The following HSPA12A variants were observed in gnomAD, a reference collection of about 807,000 sequenced individuals.
HSPA12A encodes the protein heat shock 70 kDa protein 12A.
Under a neutral mutation model 69.2 loss-of-function variants are expected in HSPA12A, and 28 were observed. The ratio of observed to expected loss-of-function variants is 0.40; its 90% CI spans 0.30 to 0.55. The LOEUF (loss-of-function observed/expected upper bound fraction) is 0.55, where lower values mean the gene tolerates loss of function less well. Ranked by LOEUF, HSPA12A falls within the 20% of genes least tolerant of loss-of-function variation. HSPA12A has a pLI of 0.38. For missense variants in HSPA12A, 686 were observed against 900.7 expected, an observed-to-expected ratio of 0.76 and a Z score of 3.05; for synonymous variants, 345 against 370.5, an observed-to-expected ratio of 0.93 and a Z score of 0.79.
At chr10:116,742,683 G>A (rs569467955), upstream of HSPA12A, 4 of 839,266 alleles carry the variant, frequency 4.8e-6, no homozygotes, top group South Asian at 2.2e-4. Context: ...GGGCCGGCCG[G>A]GAAAGGTCGG....
At chr10:116,837,072 G>A (rs1460605734) in intron 1 of HSPA12A, among the ~76,000 whole-genome samples, 2 of 152,070 alleles carry the variant, frequency 1.3e-5, no homozygotes, top group African/African-American at 4.8e-5. Context: ...ACTTGGCGGC[G>A]GCAGTGACAC....
chr10:116,845,334 C>A (rs76192785), intron 1 of HSPA12A, among the ~76,000 whole-genome samples: 9,285 of 152,230 alleles, frequency 0.061, 908 homozygotes, highest in African/African-American at 0.21. Flanking sequence ...AAAGCTTAGG[C>A]AACTCTAGCC....
chr10:116,740,030 C>T (rs1011077604), intron 1 of HSPA12A, among the ~76,000 whole-genome samples: 6 of 152,188 alleles, frequency 3.9e-5, no homozygotes, highest in African/African-American at 1.4e-4. Context: ...ATTTGTGGCA[C>T]CCATCCTTTT....
intron 2 of HSPA12A, among the ~76,000 whole-genome samples, chr10:116,812,621 A>G (rs1355081531): frequency 6.6e-6 from 1 of 151,816 alleles, no homozygotes; most frequent in African/African-American, 2.4e-5. Context: ...AGCCTCCTGT[A>G]CAGCACTGGA....
At chr10:116,743,032 C>T (rs1476788786), upstream of HSPA12A, among the ~76,000 whole-genome samples, 1 of 152,060 alleles carries the variant, frequency 6.6e-6, no homozygotes, top group Non-Finnish European at 1.5e-5. Context: ...CGGCCCTGGG[C>T]CGGCGCAAAG....
rs781973260 is a variant in HSPA12A at position 116,686,008 on chromosome 10, G to A, written c.664-2046C>T. 1.3e-5 allele frequency among the ~76,000 whole-genome samples: 2 copies of A among 152,166 alleles called. No homozygotes were observed. Among genetic ancestry groups the A allele is most frequent in the Non-Finnish European group, 1.5e-5 (1 of 68,048 alleles). On this transcript the variant is annotated intron_variant, in intron 6 of 11. Transcript: ENST00000369209. This position sits in a 1 kb window ranked among gnomAD's most constrained non-coding sequence, Gnocchi z 4.1. Reference sequence around the variant, plus strand: ...TCAATGCCTGTCAGCTCAGCCCATGGGTCAGAGAAGCTGGGTCTGCCCTTA... The same window carrying A: ...TCAATGCCTGTCAGCTCAGCCCATGAGTCAGAGAAGCTGGGTCTGCCCTTA...
intron 1 of HSPA12A, among the ~76,000 whole-genome samples, chr10:116,728,991 C>T (rs1239774678): frequency 9.2e-5 from 14 of 152,182 alleles, no homozygotes; most frequent in Admixed American, 5.9e-4. Context: ...TCCCTGCAGG[C>T]GGCCTATGGC....
chr10:116,784,548 G>T (rs1419333979), intron 2 of HSPA12A, among the ~76,000 whole-genome samples: 1 of 151,992 alleles, frequency 6.6e-6, no homozygotes, highest in Non-Finnish European at 1.5e-5. Flanking sequence ...GGTTTGTTGA[G>T]GGAATGAATG....
intron 2 of HSPA12A, among the ~76,000 whole-genome samples, chr10:116,827,870 G>C (rs899985534): frequency 2.6e-5 from 4 of 152,192 alleles, no homozygotes; most frequent in Non-Finnish European, 4.4e-5. Context: ...GCAGACGGTG[G>C]AAGCCAAGTT....
Position 116,681,935 on chromosome 10 carries a change from C to T in HSPA12A, c.836-58G>A. ...TAAGAAAGCATGAAAAAGCAGAGAT[C>T]ATTTGCAGTCAGTGAAGGCAATAGC... is the stretch of plus-strand genomic sequence containing the variant. On this transcript the variant is annotated intron_variant, in intron 7 of 11. Coordinates refer to ENST00000369209, the MANE Select transcript of HSPA12A (RefSeq NM_025015.3). The T allele has an allele frequency of 2.0e-6, 3 of 1,518,798 alleles. No individual in the cohort carries two copies. The South Asian group carries it at 3.4e-5, about 17-fold the overall frequency. 94.1% of individuals were successfully genotyped at this position (1,518,798 alleles called of 1,614,324 possible).
chr10:116,672,029 G>T lies in HSPA12A; in HGVS notation c.*2752C>A, dbSNP rs1849098284. 1 of 152,208 alleles carries T rather than the reference G, an allele frequency of 6.6e-6. No individual in the cohort carries two copies. The highest frequency in any genetic ancestry group is 2.4e-5 in the African/African-American group (1 of 41,438). 9.4% of individuals were successfully genotyped at this position (152,208 alleles called of 1,614,324 possible). ...CCATCACCTATCTGCCAACACTGCA[G>T]ATTTCTATCTGCTCATTTAAGAGAA... is the stretch of plus-strand genomic sequence containing the variant. On this transcript the variant is annotated 3_prime_UTR_variant, in exon 12 of 12. Coordinates refer to ENST00000369209, the MANE Select transcript of HSPA12A (RefSeq NM_025015.3).
chr10:116,757,214 G>GC (rs1554888856), intron 2 of HSPA12A, among the ~76,000 whole-genome samples: 1 of 152,170 alleles, frequency 6.6e-6, no homozygotes, highest in Non-Finnish European at 1.5e-5. Context: ...ATGGGAGGAG[G>GC]CCCCTCAGGA....
At chr10:116,735,596 C>T (rs1851289542) in intron 1 of HSPA12A, among the ~76,000 whole-genome samples, 1 of 152,118 alleles carries the variant, frequency 6.6e-6, no homozygotes, top group African/African-American at 2.4e-5. Flanking sequence ...CTTGGACTAC[C>T]CAGACTAGTT....
chr10:116,784,349 T>C (rs1386819834), intron 2 of HSPA12A, among the ~76,000 whole-genome samples: 1 of 152,278 alleles, frequency 6.6e-6, no homozygotes, highest in African/African-American at 2.4e-5. Flanking sequence ...CTTTGAGCAC[T>C]TTCCAAAGTC....
chr10:116,773,290 A>AT (rs1844254760), intron 2 of HSPA12A, among the ~76,000 whole-genome samples: 1 of 139,340 alleles, frequency 7.2e-6, no homozygotes, highest in Non-Finnish European at 1.6e-5. Context: ...GCTTCAGTCC[A>AT]CTGAGCAGTA....
chr10:116,705,163 A>C lies in HSPA12A; in HGVS notation c.242T>G (p.Ile81Ser). The C allele has an allele frequency of 6.2e-7, 1 of 1,614,132 alleles. No homozygotes were observed. The highest frequency in any genetic ancestry group is 8.5e-7 in the Non-Finnish European group (1 of 1,180,018). ...AYSFTKEPEC[I>S]HVMRRWEGGD... ...CCACAGCACTCACCTCATCACATGG[A>C]TGCATTCCGGCTCCTTGGTGAAGCT... Residue 81 changes from isoleucine to serine, a missense_variant, in exon 3 of 12, where the codon ATC becomes AGC. Ile to Ser is a moderately radical substitution (Grantham distance 142, BLOSUM62 -2). Coordinates refer to ENST00000369209, the MANE Select transcript of HSPA12A (RefSeq NM_025015.3).
intron 2 of HSPA12A, among the ~76,000 whole-genome samples, chr10:116,756,238 T>C (rs1320466861): frequency 6.6e-6 from 1 of 152,112 alleles, no homozygotes; most frequent in Non-Finnish European, 1.5e-5. Context: ...CAGGGAAGGG[T>C]AGGGGGCTGT....
chr10:116,701,720 G>A (rs1218063926), intron 3 of HSPA12A, among the ~76,000 whole-genome samples: 1 of 152,196 alleles, frequency 6.6e-6, no homozygotes. Flanking sequence ...CATTCGTGGA[G>A]AATGTGAAGT....
intron 1 of HSPA12A, among the ~76,000 whole-genome samples, chr10:116,719,877 C>A (rs1490425142): frequency 2.0e-5 from 3 of 152,232 alleles, no homozygotes; most frequent in Admixed American, 6.5e-5. Flanking sequence ...GTCTCTACCA[C>A]ATTCCAGCCC....
Sources: gnomAD v4.1 joint callset for allele counts (sites outside exome capture counted in the v4.1 genomes callset) on GRCh38, gnomAD v4.1.1 for gene constraint, Gnocchi (gnomAD v3.1) non-coding constraint, MANE v1.5 for transcripts, NCBI Gene and HGNC (gene_info 2026-07-23, HGNC 2026-07-21) for gene names.